GLIS3: variants seen among roughly 807,000 people sequenced by gnomAD.
GLIS3 encodes zinc finger protein GLIS3.
GLIS3 carries 53 observed loss-of-function variants against 78.6 expected under a neutral mutation model. The ratio of observed to expected loss-of-function variants is 0.67; its 90% CI spans 0.54 to 0.85. GLIS3 has a LOEUF of 0.85. Ranked by LOEUF, GLIS3 falls within the 40% of genes least tolerant of loss-of-function variation. GLIS3 has a pLI of 0.00. For synonymous variants in GLIS3, 684 were observed against 509.9 expected, an observed-to-expected ratio of 1.34 and a Z score of -4.60; for missense variants, 1,703 against 1,231.1, an observed-to-expected ratio of 1.38 and a Z score of -5.74.
At chr9:3,906,109 G>A (rs1563835032) in intron 6 of GLIS3, among the ~76,000 whole-genome samples, 2 of 152,240 alleles carry the variant, frequency 1.3e-5, no homozygotes, top group South Asian at 2.1e-4. Context: ...GAAGGGTGCA[G>A]GATGCAGGGC....
At chr9:4,254,083 TG>T (rs1417304595) in intron 2 of GLIS3, among the ~76,000 whole-genome samples, 2 of 152,216 alleles carry the variant, frequency 1.3e-5, no homozygotes, top group Non-Finnish European at 2.9e-5. Context: ...GAGAATTTAA[TG>T]ATGACTGGTT....
At position 4,320,999 on chromosome 9, in the gene GLIS3, G is replaced by A. The variant is rs1224771932; in HGVS notation, n.265-10471C>T. On this transcript the variant is annotated intron_variant and non_coding_transcript_variant, in intron 2 of 4. Transcript: ENST00000471664. ...AGAACGTTGCTTGAGAAGGCTGTAAGTCTCTGCTTGGTCTAGACCCCAGCC... is the reference window on the plus strand; with the variant it reads ...AGAACGTTGCTTGAGAAGGCTGTAAATCTCTGCTTGGTCTAGACCCCAGCC... Among the ~76,000 whole-genome samples, 6 of 152,074 alleles carry A rather than the reference G, an allele frequency of 3.9e-5. No homozygotes were observed. The East Asian group carries it at 7.7e-4, about 20-fold the overall frequency.
chr9:3,909,556 A>G (rs1269141501), intron 6 of GLIS3, among the ~76,000 whole-genome samples: 1 of 152,222 alleles, frequency 6.6e-6, no homozygotes, highest in East Asian at 1.9e-4. Flanking sequence ...CTATTTAGTT[A>G]GCAGTGACTC....
chr9:4,457,729 A>T, the GLIS3 span, among the ~76,000 whole-genome samples: 3 of 151,914 alleles, frequency 2.0e-5, no homozygotes, highest in African/African-American at 7.3e-5. Context: ...ACATATCTGT[A>T]GTCCCAGCTA....
chr9:4,350,521 T>C (rs890622052), upstream of GLIS3, among the ~76,000 whole-genome samples: 1 of 152,210 alleles, frequency 6.6e-6, no homozygotes, highest in Non-Finnish European at 1.5e-5. Flanking sequence ...CCGTACTATA[T>C]CTCTCTGAAA....
chr9:4,479,100 A>AT, the GLIS3 span, among the ~76,000 whole-genome samples: 1 of 152,104 alleles, frequency 6.6e-6, no homozygotes, highest in African/African-American at 2.4e-5. Context: ...ATTTTTTATT[A>AT]TTTTTTGTAG....
the GLIS3 span, among the ~76,000 whole-genome samples, chr9:4,482,054 T>C: frequency 6.6e-6 from 1 of 152,250 alleles, no homozygotes; most frequent in Non-Finnish European, 1.5e-5. Context: ...CATGTTTTAA[T>C]ATGTATTGAC....
At chr9:4,207,668 C>G (rs1275123426) in intron 2 of GLIS3, among the ~76,000 whole-genome samples, 1 of 152,082 alleles carries the variant, frequency 6.6e-6, no homozygotes, top group Non-Finnish European at 1.5e-5. Flanking sequence ...ACTCATTGTG[C>G]CTGCATCGCA....
intron 4 of GLIS3, among the ~76,000 whole-genome samples, chr9:3,957,052 T>C (rs2130865537): frequency 1.3e-5 from 2 of 152,340 alleles, no homozygotes; most frequent in South Asian, 4.1e-4. Context: ...AAATCTTTAC[T>C]AGGCCTCTAA....
intron 2 of GLIS3, among the ~76,000 whole-genome samples, chr9:4,173,559 G>T (rs1203697963): frequency 2.0e-5 from 2 of 100,948 alleles, no homozygotes; most frequent in South Asian, 2.9e-4. Context: ...TGTGTGTATA[G>T]ATACACACAC....
intron 2 of GLIS3, among the ~76,000 whole-genome samples, chr9:4,257,536 G>A (rs1456249421): frequency 6.6e-6 from 1 of 151,540 alleles, no homozygotes; most frequent in Admixed American, 6.6e-5. Context: ...TGATAGACAT[G>A]TTAATTTGCT....
At chr9:4,226,954 C>T (rs1821820197) in intron 2 of GLIS3, among the ~76,000 whole-genome samples, 1 of 152,188 alleles carries the variant, frequency 6.6e-6, no homozygotes, top group Admixed American at 6.5e-5. Context: ...AGGTGCATAG[C>T]TGATCTCAGC....
intron 4 of GLIS3, among the ~76,000 whole-genome samples, chr9:3,945,926 C>T (rs1816264096): frequency 1.3e-5 from 2 of 152,202 alleles, no homozygotes; most frequent in Non-Finnish European, 2.9e-5. Flanking sequence ...GATCAGGCCT[C>T]TCCCCTCTTA....
At chr9:3,847,147 G>C (rs113263084) in intron 9 of GLIS3, among the ~76,000 whole-genome samples, 1 of 152,130 alleles carries the variant, frequency 6.6e-6, no homozygotes, top group Non-Finnish European at 1.5e-5. Context: ...TCGCGCCTCT[G>C]TACTCCAGCC....
rs143221031 is a variant in GLIS3 at position 3,940,165 on chromosome 9, T to C, written c.1711-2976A>G. Reference sequence around the variant, plus strand: ...ATTTATAAGTTCAATTAAATGCAAATGCATTACAAATAAAACAACATTTAG... The same window carrying C: ...ATTTATAAGTTCAATTAAATGCAAACGCATTACAAATAAAACAACATTTAG... On this transcript the variant is annotated intron_variant, in intron 4 of 10. Coordinates refer to ENST00000381971, the MANE Select transcript of GLIS3 (RefSeq NM_001042413.2). Among the ~76,000 whole-genome samples, 691 of 152,304 alleles carry C rather than the reference T, an allele frequency of 4.5e-3. 3 individuals carry two copies. The highest frequency in any genetic ancestry group is 0.015 in the African/African-American group (642 of 41,564).
chr9:4,476,451 T>C, the GLIS3 span, among the ~76,000 whole-genome samples: 1 of 152,066 alleles, frequency 6.6e-6, no homozygotes, highest in Non-Finnish European at 1.5e-5. Flanking sequence ...AACCTCCGCC[T>C]CCTGGGTTCA....
At chr9:4,381,036 T>C in the GLIS3 span, among the ~76,000 whole-genome samples, 422 of 152,224 alleles carry the variant, frequency 2.8e-3, 1 homozygote, top group Non-Finnish European at 4.6e-3. Context: ...GGTCAAATTG[T>C]TGATGGGTAA....
intron 4 of GLIS3, among the ~76,000 whole-genome samples, chr9:3,982,818 A>T (rs1224169469): frequency 6.6e-6 from 1 of 152,206 alleles, no homozygotes; most frequent in Non-Finnish European, 1.5e-5. Context: ...CCTATATGGA[A>T]GGCTTCAGGC....
chr9:4,478,717 T>G, the GLIS3 span, among the ~76,000 whole-genome samples: 26,539 of 152,188 alleles, frequency 0.17, 2,842 homozygotes, highest in African/African-American at 0.3. Flanking sequence ...CTTTTCTGTA[T>G]AAAATCTATT....
Sources: allele counts gnomAD v4.1 joint callset (sites outside exome capture counted in the v4.1 genomes callset), GRCh38; gene constraint gnomAD v4.1.1; transcripts MANE v1.5; gene names NCBI Gene and HGNC (gene_info 2026-07-23, HGNC 2026-07-21).